The following ICA1 variants were observed in gnomAD, a reference collection of about 807,000 sequenced individuals.
ICA1 encodes 69 kDa islet cell autoantigen.
Under a neutral mutation model 71.0 loss-of-function variants are expected in ICA1, and 40 were observed. The observed-to-expected ratio is 0.56, with a 90% CI of 0.44 to 0.73. ICA1 has a LOEUF of 0.73. Among genes scored for constraint, ICA1 ranks in the 30% least tolerant of loss-of-function variants. The probability of loss-of-function intolerance (pLI) is 0.00; values close to 1 mark genes in which losing one functional copy is unlikely to be tolerated. For synonymous variants in ICA1, 207 were observed against 209.5 expected (o/e 0.99, Z 0.10); for missense variants, 578 against 576.5 (o/e 1.00, Z -0.03).
intron 13 of ICA1, among the ~76,000 whole-genome samples, chr7:8,127,243 C>T (rs879468478): frequency 2.0e-5 from 3 of 151,724 alleles, no homozygotes; most frequent in African/African-American, 7.3e-5. Flanking sequence ...CCTCTCACCT[C>T]GGCCTCCCAA....
intron 6 of ICA1, among the ~76,000 whole-genome samples, chr7:8,189,652 G>A (rs945864415): frequency 3.3e-5 from 5 of 152,060 alleles, no homozygotes; most frequent in Non-Finnish European, 5.9e-5. Flanking sequence ...TAAAACCAGC[G>A]GTAGCTCTGA....
intron 6 of ICA1, among the ~76,000 whole-genome samples, chr7:8,212,673 A>G (rs1043736497): frequency 2.0e-5 from 3 of 152,186 alleles, no homozygotes; most frequent in African/African-American, 7.2e-5. Flanking sequence ...GACCTATCCA[A>G]GTGGTCACAG....
At chr7:8,216,316 T>C (rs566373606) in intron 6 of ICA1, among the ~76,000 whole-genome samples, 2 of 152,156 alleles carry the variant, frequency 1.3e-5, no homozygotes, top group African/African-American at 2.4e-5. Context: ...TAATCAAATA[T>C]ACACTTGAAG....
At chr7:8,174,454 G>T (rs966465508) in intron 6 of ICA1, among the ~76,000 whole-genome samples, 2 of 151,938 alleles carry the variant, frequency 1.3e-5, no homozygotes, top group South Asian at 2.1e-4. Context: ...TGCATATAAA[G>T]TTGCCCCCCA....
Position 8,223,332 on chromosome 7 carries a change from T to A in ICA1, c.257-1934A>T, listed in dbSNP as rs566806837. Reference sequence around the variant, plus strand: ...AACCAATTTGTGGTACCTGAATAATTACATGGTTGACAAAATGTACTCTTT... The same window carrying A: ...AACCAATTTGTGGTACCTGAATAATAACATGGTTGACAAAATGTACTCTTT... On this transcript the variant is annotated intron_variant, in intron 4 of 13. Coordinates refer to ENST00000402384, the MANE Select transcript of ICA1 (RefSeq NM_001136020.3). This position sits in a 1 kb window ranked among gnomAD's most constrained non-coding sequence, Gnocchi z 4.1. Among the ~76,000 whole-genome samples the A allele has an allele frequency of 6.6e-6, 1 of 152,340 alleles. No homozygotes were observed. Among genetic ancestry groups the A allele is most frequent in the South Asian group, 2.1e-4 (1 of 4,828 alleles).
chr7:8,149,481 C>G (rs1417446974), intron 8 of ICA1, among the ~76,000 whole-genome samples: 1 of 152,198 alleles, frequency 6.6e-6, no homozygotes, highest in Admixed American at 6.5e-5. Context: ...ACTCGCAGAT[C>G]GAGCTTGCAA....
intron 5 of ICA1, chr7:8,218,838 C>T: frequency 2.6e-6 from 1 of 384,786 alleles, no homozygotes. Flanking sequence ...ATGGCCAAGG[C>T]ATGACCACTG....
rs1040813567 is a variant in ICA1 at position 8,173,888 on chromosome 7, T to C, written c.580-15236A>G. On this transcript the variant is annotated intron_variant, in intron 6 of 13. Transcript: ENST00000402384. This position sits in a 1 kb window ranked among gnomAD's most constrained non-coding sequence, Gnocchi z 4.0. Reference sequence around the variant, plus strand: ...TAAAGCAAAGTCTTTGCTTTCATGATGGTTATGTTGTAGTGGGTGAAACTG... The same window carrying C: ...TAAAGCAAAGTCTTTGCTTTCATGACGGTTATGTTGTAGTGGGTGAAACTG... Among the ~76,000 whole-genome samples, 1 of 152,148 alleles carries C rather than the reference T, an allele frequency of 6.6e-6. No individual in the cohort carries two copies. The highest frequency in any genetic ancestry group is 2.4e-5 in the African/African-American group (1 of 41,452).
chr7:8,208,315 T>C (rs895571775), intron 6 of ICA1, among the ~76,000 whole-genome samples: 4 of 152,224 alleles, frequency 2.6e-5, no homozygotes, highest in Non-Finnish European at 4.4e-5. Flanking sequence ...TATAACGCTA[T>C]TGGCATTCGG....
At chr7:8,147,064 A>C (rs1002384704) in intron 8 of ICA1, among the ~76,000 whole-genome samples, 1 of 151,706 alleles carries the variant, frequency 6.6e-6, no homozygotes, top group Non-Finnish European at 1.5e-5. Context: ...TTATCTTCTC[A>C]TTGTGTTTCC....
At chr7:8,215,746 T>C (rs76629795) in intron 6 of ICA1, among the ~76,000 whole-genome samples, 5,242 of 152,324 alleles carry the variant, frequency 0.034, 297 homozygotes, top group African/African-American at 0.12. Flanking sequence ...AGAGAATTTA[T>C]AGCAAAATAC....
At chr7:8,139,840 A>G (rs1030839847) in intron 10 of ICA1, among the ~76,000 whole-genome samples, 4 of 152,212 alleles carry the variant, frequency 2.6e-5, no homozygotes, top group African/African-American at 7.2e-5. Context: ...TCTAAACAAT[A>G]AAGTGTGTCT....
At chr7:8,241,338 T>C (rs1329298783) in intron 1 of ICA1, among the ~76,000 whole-genome samples, 1 of 152,184 alleles carries the variant, frequency 6.6e-6, no homozygotes, top group Non-Finnish European at 1.5e-5. Context: ...GAAGGAGAAA[T>C]AAAATCCTTT....
intron 1 of ICA1, among the ~76,000 whole-genome samples, chr7:8,247,842 A>G (rs919973689): frequency 1.3e-5 from 2 of 152,230 alleles, no homozygotes; most frequent in African/African-American, 4.8e-5. Context: ...AGAATCTAAA[A>G]TTCTTGAGCC....
intron 12 of ICA1, among the ~76,000 whole-genome samples, chr7:8,133,848 T>G (rs1012002288): frequency 7.0e-6 from 1 of 143,664 alleles, no homozygotes; most frequent in Admixed American, 6.9e-5. Flanking sequence ...AAATCATACT[T>G]TTTTTTTTTT....
intron 5 of ICA1, 138 bp from the exon 6 acceptor site, chr7:8,218,641 T>A (rs1796119793): frequency 7.1e-6 from 5 of 700,778 alleles, no homozygotes; most frequent in Non-Finnish European, 1.2e-5. Flanking sequence ...ATTTGCTGAA[T>A]AATAATCGAA....
chr7:8,228,822 A>G (rs566509401), intron 3 of ICA1, 149 bp from the exon 4 acceptor site: 33 of 455,116 alleles, frequency 7.3e-5, no homozygotes, highest in Admixed American at 5.3e-4. Flanking sequence ...TACTATACAG[A>G]AACTGTGACC....
chr7:8,221,432 A>G (rs1187248913), intron 4 of ICA1, 34 bp from the exon 5 acceptor site: 27 of 1,610,858 alleles, frequency 1.7e-5, no homozygotes, highest in Non-Finnish European at 2.3e-5. Context: ...AGCCATGAAC[A>G]ATGAGCATTT....
intron 1 of ICA1, among the ~76,000 whole-genome samples, chr7:8,260,114 C>T (rs1811725015): frequency 6.6e-6 from 1 of 152,138 alleles, no homozygotes; most frequent in South Asian, 2.1e-4. Flanking sequence ...CTTCCTCCCT[C>T]TCTCGCATGA....
Sources: gnomAD v4.1 joint callset for allele counts (sites outside exome capture counted in the v4.1 genomes callset) on GRCh38, gnomAD v4.1.1 for gene constraint, Gnocchi (gnomAD v3.1) non-coding constraint, MANE v1.5 for transcripts, NCBI Gene and HGNC (gene_info 2026-07-23, HGNC 2026-07-21) for gene names.